The following HS6ST3 variants were observed in gnomAD, a reference collection of about 807,000 sequenced individuals.
HS6ST3 encodes the protein heparan sulfate 6-O-sulfotransferase 3, also known as heparan-sulfate 6-O-sulfotransferase 3.
In HS6ST3, 12 loss-of-function variants were observed where a neutral mutation model predicts 36.7. The observed-to-expected ratio is 0.33, with a 90% confidence interval of 0.21 to 0.53. HS6ST3 has a LOEUF of 0.53. Ranked by LOEUF, HS6ST3 falls within the 20% of genes least tolerant of loss-of-function variation. The pLI is 0.95. For missense variants in HS6ST3, 584 were observed against 640.9 expected (o/e 0.91, Z 0.96); for synonymous variants, 240 against 257.5 (o/e 0.93, Z 0.65).
intron 1 of HS6ST3, among the ~76,000 whole-genome samples, chr13:96,478,185 G>C (rs2055873336): frequency 6.6e-6 from 1 of 152,102 alleles, no homozygotes; most frequent in South Asian, 2.1e-4. Flanking sequence ...ATGACTGATG[G>C]GAACATTGGA....
chr13:96,121,164 G>A (rs2053923796), intron 1 of HS6ST3, among the ~76,000 whole-genome samples: 1 of 152,144 alleles, frequency 6.6e-6, no homozygotes, highest in African/African-American at 2.4e-5. Context: ...CCATCCTAAG[G>A]TTTTAGAAAT....
intron 1 of HS6ST3, among the ~76,000 whole-genome samples, chr13:96,682,310 T>C (rs2138438579): frequency 6.6e-6 from 1 of 152,268 alleles, no homozygotes; most frequent in Admixed American, 6.6e-5. Flanking sequence ...GCATACAATC[T>C]CCATATATTT....
chr13:96,388,479 G>C (rs1212368316), intron 1 of HS6ST3, among the ~76,000 whole-genome samples: 1 of 152,188 alleles, frequency 6.6e-6, no homozygotes, highest in Non-Finnish European at 1.5e-5. Flanking sequence ...AAACCGAGTA[G>C]GTTGTGTAAA....
At chr13:96,631,628 T>C (rs1027688913) in intron 1 of HS6ST3, among the ~76,000 whole-genome samples, 6 of 152,244 alleles carry the variant, frequency 3.9e-5, no homozygotes, top group African/African-American at 1.4e-4. Flanking sequence ...TATCTACTGA[T>C]ATCCCAGACA....
At chr13:96,268,891 G>A (rs1408421856) in intron 1 of HS6ST3, among the ~76,000 whole-genome samples, 1 of 151,924 alleles carries the variant, frequency 6.6e-6, no homozygotes, top group African/African-American at 2.4e-5. Context: ...TCTGGGAGCT[G>A]AGTAGGTTGA....
chr13:96,509,316 T>G lies in HS6ST3; in HGVS notation c.708-323174T>G, dbSNP rs187683625. 7.1e-4 allele frequency among the ~76,000 whole-genome samples: 108 copies of G among 152,252 alleles called. 2 individuals carry two copies. The East Asian group carries it at 0.02, about 29-fold the overall frequency. On this transcript the variant is annotated intron_variant, in intron 1 of 1. Transcript: ENST00000376705. Reference sequence around the variant, plus strand: ...CATTCTGTGTGTTGTCTGTTTACTCTATTATTTCTTTTGCTCTATGGAAGT... The same window carrying G: ...CATTCTGTGTGTTGTCTGTTTACTCGATTATTTCTTTTGCTCTATGGAAGT...
chr13:96,580,364 G>A (rs74107933), intron 1 of HS6ST3, among the ~76,000 whole-genome samples: 4,324 of 149,318 alleles, frequency 0.029, 200 homozygotes, highest in African/African-American at 0.1. Context: ...GCTAAGTCAC[G>A]TATGTTTGCT....
At chr13:96,473,617 C>T (rs894276596) in intron 1 of HS6ST3, among the ~76,000 whole-genome samples, 2 of 152,212 alleles carry the variant, frequency 1.3e-5, no homozygotes, top group Non-Finnish European at 2.9e-5. Context: ...AGGCGGCGTC[C>T]AATTACTCAG....
At chr13:96,456,742 T>C (rs1309059637) in intron 1 of HS6ST3, among the ~76,000 whole-genome samples, 1 of 152,160 alleles carries the variant, frequency 6.6e-6, no homozygotes, top group Non-Finnish European at 1.5e-5. Context: ...CTTTTTCCAA[T>C]AATTTCATTT....
chr13:96,476,608 G>T (rs913741684), intron 1 of HS6ST3, among the ~76,000 whole-genome samples: 1 of 152,156 alleles, frequency 6.6e-6, no homozygotes, highest in Middle Eastern at 3.2e-3. Flanking sequence ...TGATTGGCCA[G>T]CCTCGGCCTC....
intron 1 of HS6ST3, among the ~76,000 whole-genome samples, chr13:96,768,297 T>G (rs530048355): frequency 1.9e-4 from 29 of 152,200 alleles, no homozygotes; most frequent in Admixed American, 1.9e-3. Flanking sequence ...GGATATTATA[T>G]ATGCAAAAGG....
intron 1 of HS6ST3, among the ~76,000 whole-genome samples, chr13:96,427,741 T>A (rs1477819235): frequency 6.6e-6 from 1 of 152,180 alleles, no homozygotes; most frequent in Non-Finnish European, 1.5e-5. Flanking sequence ...TCCATAAAGA[T>A]CCTTTGTCTG....
intron 1 of HS6ST3, among the ~76,000 whole-genome samples, chr13:96,347,414 A>G (rs2055161149): frequency 2.6e-5 from 4 of 152,192 alleles, no homozygotes; most frequent in Admixed American, 2.6e-4. Flanking sequence ...TGATGAAATT[A>G]TCATTATTTC....
chr13:96,317,359 TATATATATAAAATTATA>T (rs1566322136), intron 1 of HS6ST3, among the ~76,000 whole-genome samples: 689 of 33,548 alleles, frequency 0.021, 19 homozygotes, highest in Admixed American at 0.081. Flanking sequence ...TATATATATA[TATATATATAAAATTATA>T]TATATATATA....
Position 96,090,723 on chromosome 13 carries a change from C to A in HS6ST3, c.-140C>A. ...GAGGGCCGCGGGGCCGCCAGCCAGC[C>A]ACACGCCTCGGCGTCAGGGGCATGG... On this transcript the variant is annotated 5_prime_UTR_variant, in exon 1 of 2. Coordinates refer to ENST00000376705, the MANE Select transcript of HS6ST3 (RefSeq NM_153456.4). The A allele has an allele frequency of 2.0e-6, 1 of 491,842 alleles. No individual in the cohort carries two copies. Among genetic ancestry groups the A allele is most frequent in the South Asian group, 7.9e-5 (1 of 12,730 alleles). The allele number at this position is 491,842 out of a possible 1,614,324, so 30.5% of individuals were successfully genotyped here. A position where few individuals can be genotyped will look rare whatever the true frequency, so the allele number is the denominator to read the frequency against.
intron 1 of HS6ST3, among the ~76,000 whole-genome samples, chr13:96,200,253 C>T (rs1405797860): frequency 1.3e-5 from 2 of 152,184 alleles, no homozygotes; most frequent in Non-Finnish European, 2.9e-5. Flanking sequence ...AGTAAAATCT[C>T]ATACCCTGCA....
At chr13:96,181,178 A>G (rs1055500776) in intron 1 of HS6ST3, among the ~76,000 whole-genome samples, 11 of 152,186 alleles carry the variant, frequency 7.2e-5, no homozygotes, top group African/African-American at 2.7e-4. Context: ...TAGCAATTTT[A>G]TCTTCTAGGA....
chr13:96,097,373 C>T (rs1199506484), intron 1 of HS6ST3, among the ~76,000 whole-genome samples: 1 of 152,052 alleles, frequency 6.6e-6, no homozygotes, highest in African/African-American at 2.4e-5. Flanking sequence ...GTTATTTATG[C>T]TTGATAATGA....
At chr13:96,245,829 G>A (rs2054582505) in intron 1 of HS6ST3, among the ~76,000 whole-genome samples, 1 of 152,026 alleles carries the variant, frequency 6.6e-6, no homozygotes, top group African/African-American at 2.4e-5. Flanking sequence ...GCTTATTTGG[G>A]TCTACTCTGA....
Sources: allele counts gnomAD v4.1 joint callset (sites outside exome capture counted in the v4.1 genomes callset), GRCh38; gene constraint gnomAD v4.1.1; transcripts MANE v1.5; gene names NCBI Gene and HGNC (gene_info 2026-07-23, HGNC 2026-07-21).